The following USP34 variants were observed in gnomAD, a reference collection of about 807,000 sequenced individuals.
The protein encoded by USP34 is ubiquitin carboxyl-terminal hydrolase 34.
A neutral mutation model predicts 460.3 loss-of-function variants in USP34; 70 were observed. That is an observed-to-expected ratio of 0.15 (90% CI 0.13 to 0.19). USP34 has a LOEUF of 0.19. Ranked by LOEUF, USP34 falls within the 10% of genes least tolerant of loss-of-function variation. The pLI is 1.00. For synonymous variants in USP34, 1,647 were observed against 1,405.3 expected (o/e 1.17, Z -3.85); for missense variants, 3,985 against 4,236.2 (o/e 0.94, Z 1.65).
intron 33 of USP34, among the ~76,000 whole-genome samples, chr2:61,290,252 G>A (rs1403862242): frequency 6.6e-6 from 1 of 152,068 alleles, no homozygotes; most frequent in Non-Finnish European, 1.5e-5. Flanking sequence ...ATGTTGCATA[G>A]TATAACTGTT....
intron 10 of USP34, among the ~76,000 whole-genome samples, chr2:61,368,485 G>C (rs1244009615): frequency 2.7e-5 from 4 of 150,934 alleles, no homozygotes; most frequent in Non-Finnish European, 4.4e-5. Context: ...TCCAAAAACA[G>C]ATAGCTGGCC....
At position 61,342,353 on chromosome 2, in the gene USP34, T is replaced by C. The variant is rs537717676; in HGVS notation, c.2500+1462A>G. On this transcript the variant is annotated intron_variant, in intron 16 of 79. Transcript: ENST00000398571. ...TCTCACTCTGTCATCCAGGCTGGAG[T>C]GCAGTGGCGTGATCTCGGCTCACTG... Among the ~76,000 whole-genome samples, 56 of 138,374 alleles carry C rather than the reference T, an allele frequency of 4.0e-4. 1 individual carries two copies. In the East Asian group the frequency reaches 0.013, roughly 31 times the overall value. The allele number at this position is 138,374 out of a possible 152,430, so 90.8% of individuals were successfully genotyped here.
At chr2:61,303,237 T>TTG (rs1440393010) in intron 27 of USP34, among the ~76,000 whole-genome samples, 3 of 151,994 alleles carry the variant, frequency 2.0e-5, no homozygotes, top group Non-Finnish European at 4.4e-5. Flanking sequence ...TAACTAATTT[T>TTG]TGTATTTTTA....
At chr2:61,426,483 C>T (rs377176513) in intron 1 of USP34, among the ~76,000 whole-genome samples, 1 of 151,926 alleles carries the variant, frequency 6.6e-6, no homozygotes, top group African/African-American at 2.4e-5. Flanking sequence ...CTGGGGGTGG[C>T]GGTGGCTACG....
chr2:61,389,427 A>T (rs2103887673), intron 5 of USP34, among the ~76,000 whole-genome samples: 1 of 152,338 alleles, frequency 6.6e-6, no homozygotes, highest in South Asian at 2.1e-4. Context: ...TTATTTTAGA[A>T]TACACAGACA....
rs987953484 is a variant in USP34, at chr2:61,251,055, G to A, written c.6222-2372C>T. Among the ~76,000 whole-genome samples, 4 of 152,088 alleles carry A rather than the reference G, an allele frequency of 2.6e-5. No individual in the cohort carries two copies. The East Asian group carries it at 5.8e-4, about 22-fold the overall frequency. Reference sequence around the variant, plus strand: ...CAGGAGGCTGAGGCAGGAGAATGGCGTGGACCCGGGAGGCGGAGCTGGCAG... The same window carrying A: ...CAGGAGGCTGAGGCAGGAGAATGGCATGGACCCGGGAGGCGGAGCTGGCAG... On this transcript the variant is annotated intron_variant, in intron 48 of 79. Coordinates refer to ENST00000398571, the MANE Select transcript of USP34 (RefSeq NM_014709.4).
chr2:61,303,348 G>C (rs1240995166), intron 27 of USP34, among the ~76,000 whole-genome samples: 1 of 151,266 alleles, frequency 6.6e-6, no homozygotes, highest in Non-Finnish European at 1.5e-5. Context: ...TTACAGCCAT[G>C]AGCCACCACG....
At chr2:61,336,809 C>CA (rs10593128) in intron 18 of USP34, among the ~76,000 whole-genome samples, 2,230 of 63,748 alleles carry the variant, frequency 0.035, 51 homozygotes, top group African/African-American at 0.07. Context: ...GACTCCATCT[C>CA]AAAAAAAAAA....
intron 41 of USP34, 125 bp downstream of exon 41, chr2:61,278,040 C>G: frequency 8.2e-7 from 1 of 1,218,552 alleles, no homozygotes. Flanking sequence ...AAACCCTTTT[C>G]TTTTGTAAAC....
rs757091628 is a variant in USP34, at chr2:61,223,229, ATAT to A, written c.7644+16_7644+18del. Reference sequence around the variant, plus strand: ...ATTTTTGTGATGATCAAATTGTCTAATATTAGAGAATGTACTACCTTTCCTCCT... The same window carrying A: ...ATTTTTGTGATGATCAAATTGTCTAATAGAGAATGTACTACCTTTCCTCCT... On this transcript the variant is annotated intron_variant, in intron 63 of 79. Transcript: ENST00000398571. 6.2e-7 allele frequency: 1 copy of A among 1,613,958 alleles called. No individual in the cohort carries two copies. Among genetic ancestry groups the A allele is most frequent in the Non-Finnish European group, 8.5e-7 (1 of 1,179,920 alleles).
rs552119446 is a variant in USP34 at position 61,262,840 on chromosome 2, C to G, written c.5778+2557G>C. Among the ~76,000 whole-genome samples the G allele has an allele frequency of 2.6e-5, 4 of 152,286 alleles. No individual in the cohort carries two copies. The South Asian group carries it at 8.3e-4, about 32-fold the overall frequency. On this transcript the variant is annotated intron_variant, in intron 43 of 79. Transcript: ENST00000398571. ...TCCCTTTTCTTTACAACATCGCCAGCATCAGTTATTTTTTGACTTTTTATT... is the reference window on the plus strand; with the variant it reads ...TCCCTTTTCTTTACAACATCGCCAGGATCAGTTATTTTTTGACTTTTTATT...
At chr2:61,348,616 A>G (rs1691844345) in intron 14 of USP34, 136 bp from the exon 15 acceptor site, 1 of 1,443,058 alleles carries the variant, frequency 6.9e-7, no homozygotes, top group South Asian at 1.5e-5. Context: ...AATGGAATTA[A>G]AAACTCAAAG....
chr2:61,459,869 G>A (rs144049630), intron 1 of USP34, among the ~76,000 whole-genome samples: 281 of 151,922 alleles, frequency 1.8e-3, no homozygotes, highest in African/African-American at 6.5e-3. Context: ...AGACCATCCT[G>A]ATTAACACGG....
intron 1 of USP34, among the ~76,000 whole-genome samples, chr2:61,435,066 G>A (rs1411176613): frequency 6.6e-6 from 1 of 151,900 alleles, no homozygotes; most frequent in Non-Finnish European, 1.5e-5. Context: ...CACTTTGGGA[G>A]GCCAAGGCAG....
intron 16 of USP34, among the ~76,000 whole-genome samples, chr2:61,342,874 AAAG>A (rs1418752801): frequency 6.6e-6 from 1 of 152,216 alleles, no homozygotes. Context: ...AAATTTGAGA[AAAG>A]AATGGTAACA....
At chr2:61,255,235 T>C (rs1688693636) in intron 48 of USP34, among the ~76,000 whole-genome samples, 1 of 152,152 alleles carries the variant, frequency 6.6e-6, no homozygotes, top group Admixed American at 6.5e-5. Flanking sequence ...AATATACACA[T>C]CCAAAGATAA....
In USP34 at chr2:61,239,300, TCACACACACACACACA is replaced by T. The variant is rs60152908; in HGVS notation, c.6777+2244_6777+2259del. ...TTCCTCACTTTAAATGAGGGCCCTG[TCACACACACACACACA>T]CACACACACACACACACACACACAC... is the stretch of plus-strand genomic sequence containing the variant. On this transcript the variant is annotated intron_variant, in intron 53 of 79. Coordinates refer to ENST00000398571, the MANE Select transcript of USP34 (RefSeq NM_014709.4). Among the ~76,000 whole-genome samples the T allele has an allele frequency of 2.1e-3, 274 of 132,842 alleles. 1 individual carries two copies. Among genetic ancestry groups the T allele is most frequent in the Middle Eastern group, 0.019 (5 of 264 alleles). The allele number at this position is 132,842 out of a possible 152,430, so 87.1% of individuals were successfully genotyped here.
chr2:61,405,960 T>C lies in USP34; in HGVS notation c.300A>G (p.Gln100=). 1 of 1,613,772 alleles carries C rather than the reference T, an allele frequency of 6.2e-7. No homozygotes were observed. The highest frequency in any genetic ancestry group is 8.5e-7 in the Non-Finnish European group (1 of 1,179,970). ...IDSTWQDESN[Q]AEEPLNIDRE... The stretch of plus-strand genomic sequence containing the variant: ...TATCTATATTCAGTGGTTCTTCTGC[T>C]TGATTACTCTCATCTTGCCACGTGG... The change falls in exon 3 of 80, where the codon CAA becomes CAG. Residue 100 remains glutamine (Q), a synonymous_variant. Transcript: ENST00000398571.
intron 1 of USP34, among the ~76,000 whole-genome samples, chr2:61,464,817 T>C (rs1695714888): frequency 6.6e-6 from 1 of 151,894 alleles, no homozygotes; most frequent in African/African-American, 2.4e-5. Flanking sequence ...TACTAGTGAG[T>C]TTGCTATGGT....
Sources: gnomAD v4.1 joint callset for allele counts (sites outside exome capture counted in the v4.1 genomes callset) on GRCh38, gnomAD v4.1.1 for gene constraint, MANE v1.5 for transcripts, NCBI Gene and HGNC (gene_info 2026-07-23, HGNC 2026-07-21) for gene names.